Variants in PRKAR2B observed in about 807,000 individuals in gnomAD.
The protein encoded by PRKAR2B is protein kinase cAMP-dependent type II regulatory subunit beta.
In PRKAR2B, 14 loss-of-function variants were observed where a neutral mutation model predicts 49.9. That is an observed-to-expected ratio of 0.28 (90% CI 0.19 to 0.44). The LOEUF (loss-of-function observed/expected upper bound fraction) is 0.44, where lower values mean the gene tolerates loss of function less well. Among genes scored for constraint, PRKAR2B ranks in the 20% least tolerant of loss-of-function variants. The pLI, the probability that PRKAR2B is intolerant of heterozygous loss-of-function variation, is 1.00. For synonymous variants in PRKAR2B, 196 were observed against 197.7 expected, an observed-to-expected ratio of 0.99 and a Z score of 0.07; for missense variants, 393 against 537.9, an observed-to-expected ratio of 0.73 and a Z score of 2.67.
At chr7:107,108,814 T>C (rs1262287306) in intron 2 of PRKAR2B, among the ~76,000 whole-genome samples, 1 of 152,314 alleles carries the variant, frequency 6.6e-6, no homozygotes, top group Non-Finnish European at 1.5e-5. Flanking sequence ...TGTTTATTCC[T>C]TCATGGTTGC....
chr7:107,129,186 T>C (rs1359781567), intron 4 of PRKAR2B: 1 of 152,246 alleles, frequency 6.6e-6, no homozygotes, highest in African/African-American at 2.4e-5. Context: ...ATACCAGTTA[T>C]ATACTGCGTC....
At chr7:107,099,913 C>T (rs544614761) in intron 2 of PRKAR2B, among the ~76,000 whole-genome samples, 261 of 152,260 alleles carry the variant, frequency 1.7e-3, no homozygotes, top group African/African-American at 5.5e-3. Context: ...GGATTACAGG[C>T]GTGAGCCACC....
At chr7:107,128,395 A>AC (rs1554372532) in intron 4 of PRKAR2B, 100 bp downstream of exon 4, 8 of 724,164 alleles carry the variant, frequency 1.1e-5, no homozygotes, top group Middle Eastern at 4.8e-4. Context: ...TTGTAAGCTG[A>AC]TCACCCTGGG....
intron 2 of PRKAR2B, among the ~76,000 whole-genome samples, chr7:107,101,018 T>C (rs1794952039): frequency 6.6e-6 from 1 of 152,174 alleles, no homozygotes; most frequent in African/African-American, 2.4e-5. Flanking sequence ...TTCTGGAATA[T>C]GTATCACACT....
At chr7:107,141,337 T>C (rs1795786856) in intron 5 of PRKAR2B, among the ~76,000 whole-genome samples, 2 of 152,234 alleles carry the variant, frequency 1.3e-5, no homozygotes, top group Admixed American at 6.5e-5. Flanking sequence ...TAGACCTCAA[T>C]TGGTATTTCT....
chr7:107,066,301 G>GGGGGGGT (rs147673007), intron 1 of PRKAR2B, among the ~76,000 whole-genome samples: 3,857 of 145,508 alleles, frequency 0.027, 74 homozygotes, highest in Non-Finnish European at 0.04. Flanking sequence ...CTCTATGTGG[G>GGGGGGGT]GTGTGTGTGT....
At chr7:107,053,379 A>G (rs971685949) in intron 1 of PRKAR2B, among the ~76,000 whole-genome samples, 3 of 152,182 alleles carry the variant, frequency 2.0e-5, no homozygotes, top group Non-Finnish European at 1.5e-5. Flanking sequence ...ATCCCAACAT[A>G]TAGCCTTATA....
intron 2 of PRKAR2B, among the ~76,000 whole-genome samples, chr7:107,102,650 A>G (rs959473861): frequency 1.3e-5 from 2 of 152,136 alleles, no homozygotes; most frequent in Admixed American, 6.5e-5. Context: ...TCAAGAATAT[A>G]TTTATAAAGG....
intron 6 of PRKAR2B, among the ~76,000 whole-genome samples, chr7:107,149,269 C>T (rs1795943049): frequency 6.6e-6 from 1 of 152,060 alleles, no homozygotes; most frequent in Admixed American, 6.5e-5. Context: ...AGGAGTAAAA[C>T]AAGTCCAAAT....
At chr7:107,118,648 G>T (rs1024026136) in intron 2 of PRKAR2B, among the ~76,000 whole-genome samples, 1 of 152,170 alleles carries the variant, frequency 6.6e-6, no homozygotes, top group African/African-American at 2.4e-5. Context: ...TGTATTGCGA[G>T]AGTGCAAAGG....
At chr7:107,149,025 G>A (rs189719011) in intron 6 of PRKAR2B, among the ~76,000 whole-genome samples, 35 of 152,184 alleles carry the variant, frequency 2.3e-4, no homozygotes, top group Admixed American at 2.0e-3. Flanking sequence ...TGCAATAACC[G>A]CTGTCCATAC....
chr7:107,081,236 A>G (rs1264540770), intron 2 of PRKAR2B, among the ~76,000 whole-genome samples: 2 of 152,200 alleles, frequency 1.3e-5, no homozygotes, highest in Non-Finnish European at 2.9e-5. Context: ...GAGAGCAAAG[A>G]TTTCTCTGAA....
intron 2 of PRKAR2B, among the ~76,000 whole-genome samples, chr7:107,075,108 T>A (rs1362152479): frequency 6.9e-6 from 1 of 145,564 alleles, no homozygotes; most frequent in Non-Finnish European, 1.5e-5. Flanking sequence ...TATTTTTAAA[T>A]TTTTTTTTTT....
At chr7:107,081,222 G>C (rs1046508171) in intron 2 of PRKAR2B, among the ~76,000 whole-genome samples, 3 of 152,086 alleles carry the variant, frequency 2.0e-5, no homozygotes, top group African/African-American at 4.8e-5. Context: ...TGTTATTTGT[G>C]GGGGAGAGCA....
chr7:107,144,811 T>C (rs1795859477), intron 5 of PRKAR2B, among the ~76,000 whole-genome samples: 1 of 96,630 alleles, frequency 1.0e-5, no homozygotes, highest in Non-Finnish European at 2.3e-5. Context: ...TTTTTTTTTT[T>C]TTAGCAGCAC....
chr7:107,137,345 CTTT>C (rs1392058129), intron 4 of PRKAR2B, among the ~76,000 whole-genome samples: 1 of 152,322 alleles, frequency 6.6e-6, no homozygotes, highest in African/African-American at 2.4e-5. Flanking sequence ...GATTACCCTT[CTTT>C]GAGTGTTCTC....
chr7:107,154,786 T>G (rs1325915600), intron 8 of PRKAR2B, among the ~76,000 whole-genome samples: 1 of 152,196 alleles, frequency 6.6e-6, no homozygotes, highest in African/African-American at 2.4e-5. Context: ...ACTGCATCAT[T>G]GGAGATCAAG....
At chr7:107,145,481 TTAGA>T (rs1239488901) in intron 5 of PRKAR2B, among the ~76,000 whole-genome samples, 1 of 152,214 alleles carries the variant, frequency 6.6e-6, no homozygotes, top group Non-Finnish European at 1.5e-5. Flanking sequence ...AACTCTTAAA[TTAGA>T]TAGCGAATAT....
chr7:107,055,067 GT>G, intron 1 of PRKAR2B, among the ~76,000 whole-genome samples: 1 of 152,168 alleles, frequency 6.6e-6, no homozygotes, highest in East Asian at 1.9e-4. Context: ...GCGGTGTTTG[GT>G]TTTTTGTCCT....
Sources: gnomAD v4.1 joint callset for allele counts (sites outside exome capture counted in the v4.1 genomes callset) on GRCh38, gnomAD v4.1.1 for gene constraint, MANE v1.5 for transcripts, NCBI Gene and HGNC (gene_info 2026-07-23, HGNC 2026-07-21) for gene names.